The following AP3B1 variants were observed in gnomAD, a reference collection of about 807,000 sequenced individuals.
AP3B1 encodes the protein adaptor related protein complex 3 subunit beta 1.
In AP3B1, 61 loss-of-function variants were observed where a neutral mutation model predicts 132.5. The observed-to-expected ratio is 0.46, with a 90% CI of 0.37 to 0.57. The LOEUF (loss-of-function observed/expected upper bound fraction) is 0.57. Among genes scored for constraint, AP3B1 ranks in the 20% least tolerant of loss-of-function variants. The pLI is 0.00. For synonymous variants in AP3B1, 388 were observed against 438.3 expected (o/e 0.89, Z 1.43); for missense variants, 1,120 against 1,289.4 (o/e 0.87, Z 2.01).
chr5:78,163,042 T>C, intron 12 of AP3B1, 91 bp from the exon 13 acceptor site: 2 of 1,214,872 alleles, frequency 1.6e-6, no homozygotes, highest in South Asian at 1.2e-5. Flanking sequence ...TATATAAGAA[T>C]TCCAGAATAC....
intron 24 of AP3B1, among the ~76,000 whole-genome samples, chr5:78,031,970 A>G (rs1041967562): frequency 5.3e-5 from 8 of 152,120 alleles, no homozygotes; most frequent in Non-Finnish European, 4.4e-5. Flanking sequence ...GGGGATGAGG[A>G]TCTGTTTATG....
intron 21 of AP3B1, among the ~76,000 whole-genome samples, chr5:78,097,402 C>T (rs1305434537): frequency 2.2e-5 from 3 of 133,498 alleles, no homozygotes; most frequent in Admixed American, 7.1e-5. Context: ...GCCCCCCGCC[C>T]GGCCAGCCGC....
chr5:78,111,537 T>C (rs1751592269), intron 19 of AP3B1, among the ~76,000 whole-genome samples: 1 of 152,170 alleles, frequency 6.6e-6, no homozygotes, highest in South Asian at 2.1e-4. Context: ...CTAAAAAAAC[T>C]TGATCCAATT....
At chr5:78,054,802 C>G (rs913658924) in intron 22 of AP3B1, among the ~76,000 whole-genome samples, 4 of 152,014 alleles carry the variant, frequency 2.6e-5, no homozygotes, top group African/African-American at 9.7e-5. Context: ...AGAAGTATGT[C>G]TTAGGAGATG....
chr5:78,002,462 A>C lies in AP3B1; in HGVS notation c.*440T>G, dbSNP rs1230391887. The C allele has an allele frequency of 2.4e-6, 1 of 418,356 alleles. No individual in the cohort carries two copies. Among genetic ancestry groups the C allele is most frequent in the African/African-American group, 2.0e-5 (1 of 48,988 alleles). The allele number at this position is 418,356 out of a possible 1,614,324, so 25.9% of individuals were successfully genotyped here. On this transcript the variant is annotated 3_prime_UTR_variant, in exon 27 of 27. Transcript: ENST00000255194. Reference sequence around the variant, plus strand: ...GACTATGCTTTTGTATTTGGATTTAAAAAGTATGTGATCTCATTTTCACAT... The same window carrying C: ...GACTATGCTTTTGTATTTGGATTTACAAAGTATGTGATCTCATTTTCACAT...
At chr5:78,145,303 T>C (rs1753341749) in intron 14 of AP3B1, among the ~76,000 whole-genome samples, 1 of 152,262 alleles carries the variant, frequency 6.6e-6, no homozygotes, top group African/African-American at 2.4e-5. Context: ...GCACTGTTTT[T>C]GAGAGCTTTA....
At chr5:78,063,046 A>T (rs1225818298) in intron 22 of AP3B1, among the ~76,000 whole-genome samples, 1 of 152,200 alleles carries the variant, frequency 6.6e-6, no homozygotes, top group African/African-American at 2.4e-5. Context: ...AGGGGGCTTA[A>T]ATACTATTTT....
At chr5:78,122,035 G>C (rs1244190231) in intron 17 of AP3B1, among the ~76,000 whole-genome samples, 4 of 152,184 alleles carry the variant, frequency 2.6e-5, no homozygotes, top group African/African-American at 4.8e-5. Context: ...TGCAAGGCTG[G>C]TTCAACATAC....
chr5:78,122,353 T>C (rs1229530020), intron 17 of AP3B1, among the ~76,000 whole-genome samples: 11 of 152,136 alleles, frequency 7.2e-5, no homozygotes, highest in African/African-American at 2.4e-4. Flanking sequence ...CCAGGGCAGT[T>C]AGGCAGGAGA....
intron 22 of AP3B1, among the ~76,000 whole-genome samples, chr5:78,051,144 A>T (rs1748563816): frequency 6.6e-6 from 1 of 152,166 alleles, no homozygotes; most frequent in Non-Finnish European, 1.5e-5. Context: ...TACAGTAAGC[A>T]AATAAGCGTG....
chr5:78,045,952 C>T (rs1393587718), intron 22 of AP3B1, among the ~76,000 whole-genome samples: 2 of 152,216 alleles, frequency 1.3e-5, no homozygotes, highest in East Asian at 3.9e-4. Flanking sequence ...CATATTCTTT[C>T]ATTTACATAC....
At chr5:78,204,590 T>G (rs1012908648) in intron 7 of AP3B1, among the ~76,000 whole-genome samples, 1 of 152,230 alleles carries the variant, frequency 6.6e-6, no homozygotes, top group African/African-American at 2.4e-5. Context: ...CTTCTTGGCA[T>G]GTCCATTGTT....
chr5:78,027,326 C>A (rs1561360976), intron 24 of AP3B1, among the ~76,000 whole-genome samples: 1 of 152,056 alleles, frequency 6.6e-6, no homozygotes, highest in Non-Finnish European at 1.5e-5. Flanking sequence ...CCATTTACTG[C>A]ATGGTCTGTT....
intron 21 of AP3B1, among the ~76,000 whole-genome samples, chr5:78,099,188 G>A (rs1218631581): frequency 6.6e-6 from 1 of 152,144 alleles, no homozygotes; most frequent in African/African-American, 2.4e-5. Context: ...CTTGATCTTG[G>A]ACTTCCCAGC....
chr5:78,159,278 T>C (rs79207234), intron 13 of AP3B1, among the ~76,000 whole-genome samples: 5 of 152,228 alleles, frequency 3.3e-5, no homozygotes, highest in African/African-American at 7.2e-5. Flanking sequence ...TTGGCTACAG[T>C]TGAAATATGC....
chr5:78,118,229 C>G (rs920913997), intron 17 of AP3B1, among the ~76,000 whole-genome samples: 3 of 152,088 alleles, frequency 2.0e-5, no homozygotes, highest in African/African-American at 4.8e-5. Context: ...CGAATAGGAA[C>G]AGCTCCGGTC....
intron 25 of AP3B1, among the ~76,000 whole-genome samples, chr5:78,019,610 T>G (rs1484846158): frequency 6.6e-6 from 1 of 152,140 alleles, no homozygotes; most frequent in Non-Finnish European, 1.5e-5. Context: ...TAATCAACTT[T>G]CCAAGAAATG....
intron 17 of AP3B1, among the ~76,000 whole-genome samples, chr5:78,118,405 A>G (rs984975223): frequency 3.9e-5 from 6 of 152,212 alleles, no homozygotes; most frequent in Non-Finnish European, 5.9e-5. Context: ...GCAAGGGGTC[A>G]GGGAGTTCCC....
intron 21 of AP3B1, among the ~76,000 whole-genome samples, chr5:78,097,627 G>A (rs1353135789): frequency 3.5e-5 from 5 of 142,526 alleles, no homozygotes; most frequent in East Asian, 4.2e-4. Context: ...CCCCCTGCCC[G>A]GCCAGCCGCC....
Sources: gnomAD v4.1 joint callset for allele counts (sites outside exome capture counted in the v4.1 genomes callset) on GRCh38, gnomAD v4.1.1 for gene constraint, MANE v1.5 for transcripts, NCBI Gene and HGNC (gene_info 2026-07-23, HGNC 2026-07-21) for gene names.